The following HERC1 variants were observed in gnomAD, a reference collection of about 807,000 sequenced individuals.
HERC1 encodes probable E3 ubiquitin-protein ligase HERC1.
Under a neutral mutation model 554.3 loss-of-function variants are expected in HERC1, and 160 were observed. The observed-to-expected ratio is 0.29, with a 90% CI of 0.25 to 0.33. HERC1 has a LOEUF of 0.33. HERC1 is among the 10% of genes least tolerant of loss of function. HERC1 has a pLI of 1.00. For synonymous variants in HERC1, 2,175 were observed against 2,131.7 expected, an observed-to-expected ratio of 1.02 and a Z score of -0.56; for missense variants, 4,919 against 5,918.5, an observed-to-expected ratio of 0.83 and a Z score of 5.54.
At chr15:63,804,083 C>G (rs1183340342) in intron 1 of HERC1, among the ~76,000 whole-genome samples, 3 of 152,068 alleles carry the variant, frequency 2.0e-5, no homozygotes, top group African/African-American at 7.2e-5. Context: ...AATATGCAAA[C>G]AGGAAAAATA....
chr15:63,768,194 G>T (rs2075842420), intron 2 of HERC1, among the ~76,000 whole-genome samples: 1 of 152,126 alleles, frequency 6.6e-6, no homozygotes, highest in Non-Finnish European at 1.5e-5. Flanking sequence ...CTATTAACCT[G>T]CTGCTGCCAA....
chr15:63,773,754 G>A (rs1280479678), intron 2 of HERC1, among the ~76,000 whole-genome samples: 3 of 151,780 alleles, frequency 2.0e-5, no homozygotes, highest in Non-Finnish European at 4.4e-5. Flanking sequence ...ATGCTGGCCA[G>A]GCTGGTTTCA....
At chr15:63,816,096 T>TC (rs34990018) in intron 1 of HERC1, among the ~76,000 whole-genome samples, 122,609 of 151,990 alleles carry the variant, frequency 0.81, 51,216 homozygotes, top group Non-Finnish European at 0.87. Flanking sequence ...CCAAACCATA[T>TC]ACCTAACATT....
chr15:63,666,044 T>G lies in HERC1; in HGVS notation c.8430A>C (p.Ala2810=), dbSNP rs760083409. ...DEEEPQSGST[A]DSRPGAAVLG... ...GAACGGCTGCTCCAGGCCTAGAGTCTGCTGTGCTGCCCGACTGGGGCTCCT... is the reference window on the plus strand; with the variant it reads ...GAACGGCTGCTCCAGGCCTAGAGTCGGCTGTGCTGCCCGACTGGGGCTCCT... The change falls in exon 42 of 78, where the codon GCA becomes GCC. Residue 2810 remains alanine, a synonymous_variant. Transcript: ENST00000443617. The G allele has an allele frequency of 3.1e-6, 5 of 1,613,940 alleles. No homozygotes were observed. Among genetic ancestry groups the G allele is most frequent in the African/African-American group, 1.3e-5 (1 of 74,948 alleles).
chr15:63,781,909 T>C (rs1009746257), intron 1 of HERC1, among the ~76,000 whole-genome samples: 1 of 152,142 alleles, frequency 6.6e-6, no homozygotes, highest in Non-Finnish European at 1.5e-5. Context: ...GGATAGAATA[T>C]CAAACCAGTC....
At chr15:63,661,504 C>T (rs1280494531) in intron 45 of HERC1, among the ~76,000 whole-genome samples, 2 of 152,154 alleles carry the variant, frequency 1.3e-5, no homozygotes, top group African/African-American at 2.4e-5. Flanking sequence ...AGGCAAGGGT[C>T]CTGACCATTA....
In HERC1 at chr15:63,658,732, TTC is replaced by T. The variant is rs2070185222; in HGVS notation, c.9425-16_9425-15del. 6.3e-7 allele frequency: 1 copy of T among 1,596,116 alleles called. No individual in the cohort carries two copies. The highest frequency in any genetic ancestry group is 1.3e-5 in the African/African-American group (1 of 74,432). On this transcript the variant is annotated splice_polypyrimidine_tract_variant and intron_variant, in intron 47 of 77. Coordinates refer to ENST00000443617, the MANE Select transcript of HERC1 (RefSeq NM_003922.4). ...AGCCATGGCAACCTGAAAAACATAA[TTC>T]TGTTTTGTTCTCAACAAGGTAAGAA... is the stretch of plus-strand genomic sequence containing the variant.
intron 32 of HERC1, among the ~76,000 whole-genome samples, chr15:63,690,070 G>A (rs1261675355): frequency 6.6e-6 from 1 of 151,512 alleles, no homozygotes; most frequent in African/African-American, 2.4e-5. Flanking sequence ...GGCTAAGGCA[G>A]GAGAATCACT....
chr15:63,721,295 G>A (rs1472817081), intron 19 of HERC1, among the ~76,000 whole-genome samples: 2 of 152,260 alleles, frequency 1.3e-5, no homozygotes, highest in African/African-American at 4.8e-5. Context: ...AAGCCGAGGC[G>A]GATGGATCAC....
At position 63,626,152 on chromosome 15, in the gene HERC1, C is replaced by T. The variant is rs1487750499; in HGVS notation, c.13108G>A (p.Val4370Met). Residue 4370 changes from valine (V) to methionine (M), a missense_variant and splice_region_variant, in exon 71 of 78, where the codon GTG becomes ATG. Physicochemically the swap from Val to Met is conservative, Grantham distance 21 (BLOSUM62 1). This residue lies in a region of HERC1 where 410 missense variants were observed against 467.0 expected (regional missense o/e 0.88). Transcript: ENST00000443617. ...APPVPPRAPG[V>M]SVPLQLGLPD... is the part of the protein sequence containing the mutation. The stretch of plus-strand genomic sequence containing the variant: ...AGGCCCAGCTGCAGAGGTACTGACA[C>T]ACCTGTCCAGAAAGCAAATGGGCAC... The T allele has an allele frequency of 6.2e-7, 1 of 1,611,140 alleles. No homozygotes were observed. The highest frequency in any genetic ancestry group is 8.5e-7 in the Non-Finnish European group (1 of 1,179,236).
chr15:63,637,197 AT>A (rs1430697283), intron 64 of HERC1: 2 of 497,892 alleles, frequency 4.0e-6, no homozygotes, highest in South Asian at 3.1e-5. Flanking sequence ...TACATGCATG[AT>A]TGCTACTGCT....
At chr15:63,615,984 A>G (rs914928129) in intron 75 of HERC1, 64 bp from the exon 76 acceptor site, 27 of 1,337,096 alleles carry the variant, frequency 2.0e-5, no homozygotes, top group South Asian at 7.0e-5. Context: ...AGTATTTTAC[A>G]TACAAATACG....
chr15:63,609,490 A>C (rs1352367581), intron 77 of HERC1, among the ~76,000 whole-genome samples: 1 of 152,218 alleles, frequency 6.6e-6, no homozygotes, highest in Middle Eastern at 3.2e-3. Flanking sequence ...CACCTCCTCC[A>C]GTGCCTGTGT....
At chr15:63,746,352 A>C (rs1474643453) in intron 12 of HERC1, among the ~76,000 whole-genome samples, 1 of 151,988 alleles carries the variant, frequency 6.6e-6, no homozygotes, top group African/African-American at 2.4e-5. Context: ...AAAAGAGTTT[A>C]TTTTCTGTAT....
intron 1 of HERC1, among the ~76,000 whole-genome samples, chr15:63,795,355 A>T (rs1596275228): frequency 6.6e-6 from 1 of 152,312 alleles, no homozygotes; most frequent in Non-Finnish European, 1.5e-5. Flanking sequence ...AAATAAAATA[A>T]CCAATAAAAA....
Position 63,775,370 on chromosome 15 carries a change from C to G in HERC1, c.254G>C (p.Ser85Thr). The G allele has an allele frequency of 6.2e-7, 1 of 1,613,922 alleles. No homozygotes were observed. Among genetic ancestry groups the G allele is most frequent in the Non-Finnish European group, 8.5e-7 (1 of 1,179,812 alleles). The change falls in exon 2 of 78, where the codon AGC (serine) becomes ACC (threonine). Residue 85 changes from serine to threonine, a missense_variant. By Grantham distance (58) the Ser-to-Thr change is moderately conservative. Coordinates refer to ENST00000443617, the MANE Select transcript of HERC1 (RefSeq NM_003922.4). This position sits in a 1 kb window ranked among gnomAD's most constrained non-coding sequence, Gnocchi z 4.0. ...TACCATCTTTGCCAATGCTAGCTGG[C>G]TGCTAAGAAGGGCATCCAAATAGTG... ...QDHYLDALLS[S>T]QLALAKMVCS...
chr15:63,649,411 G>A (rs750133484), intron 54 of HERC1, among the ~76,000 whole-genome samples: 2 of 152,118 alleles, frequency 1.3e-5, no homozygotes, highest in Non-Finnish European at 2.9e-5. Context: ...CAATGATTAT[G>A]ACCTTTTTTT....
chr15:63,771,912 G>T (rs1567109877), intron 2 of HERC1, among the ~76,000 whole-genome samples: 1 of 151,972 alleles, frequency 6.6e-6, no homozygotes, highest in Non-Finnish European at 1.5e-5. Context: ...AATTATTTTA[G>T]ATCTACTTTA....
At chr15:63,742,024 G>A (rs932394365) in intron 12 of HERC1, among the ~76,000 whole-genome samples, 7 of 152,178 alleles carry the variant, frequency 4.6e-5, no homozygotes, top group Non-Finnish European at 8.8e-5. Context: ...GCCAAACAAA[G>A]CCAGCAAGAA....
Sources: allele counts gnomAD v4.1 joint callset (sites outside exome capture counted in the v4.1 genomes callset), GRCh38; gene constraint gnomAD v4.1.1; regional missense constraint gnomAD v4.1.1; non-coding constraint Gnocchi (gnomAD v3.1); transcripts MANE v1.5; gene names NCBI Gene and HGNC (gene_info 2026-07-23, HGNC 2026-07-21).